Variants in ASTN2 observed in about 807,000 individuals in gnomAD.
ASTN2 encodes astrotactin-2.
ASTN2 carries 54 observed loss-of-function variants against 139.8 expected under a neutral mutation model. The ratio of observed to expected loss-of-function variants is 0.39; its 90% CI spans 0.31 to 0.48. ASTN2 has a LOEUF of 0.48. ASTN2 is among the 20% of genes least tolerant of loss of function. The probability of loss-of-function intolerance (pLI) is 0.95; values close to 1 mark genes in which losing one functional copy is unlikely to be tolerated. For synonymous variants in ASTN2, 756 were observed against 719.5 expected, an observed-to-expected ratio of 1.05 and a Z score of -0.81; for missense variants, 1,565 against 1,725.1, an observed-to-expected ratio of 0.91 and a Z score of 1.64.
intron 1 of ASTN2, among the ~76,000 whole-genome samples, chr9:117,407,186 A>G (rs1328364823): frequency 6.6e-6 from 1 of 152,216 alleles, no homozygotes; most frequent in East Asian, 1.9e-4. Context: ...GGTGCCAAAT[A>G]AGAAGGAAGG....
chr9:116,922,690 G>A (rs974261694), intron 10 of ASTN2, among the ~76,000 whole-genome samples: 2 of 151,808 alleles, frequency 1.3e-5, no homozygotes, highest in African/African-American at 4.8e-5. Flanking sequence ...TTGATATGGA[G>A]ACATCTTTAA....
intron 10 of ASTN2, among the ~76,000 whole-genome samples, chr9:116,955,797 A>G (rs1449834049): frequency 6.6e-6 from 1 of 152,230 alleles, no homozygotes; most frequent in Non-Finnish European, 1.5e-5. Flanking sequence ...AGAATTACAA[A>G]TGTTGTCATT....
chr9:117,316,336 T>C (rs775613621), intron 1 of ASTN2, among the ~76,000 whole-genome samples: 11 of 151,904 alleles, frequency 7.2e-5, no homozygotes, highest in Non-Finnish European at 1.5e-4. Context: ...CAGGACAGTG[T>C]TGAGAATTGG....
intron 19 of ASTN2, among the ~76,000 whole-genome samples, chr9:116,492,605 T>TA (rs535069267): frequency 2.1e-3 from 315 of 152,238 alleles, no homozygotes; most frequent in African/African-American, 7.2e-3. Context: ...ACTTATGAGA[T>TA]AAAATCACTG....
chr9:116,710,394 T>TGCCC (rs1256760990), intron 16 of ASTN2, among the ~76,000 whole-genome samples: 1 of 152,010 alleles, frequency 6.6e-6, no homozygotes, highest in Non-Finnish European at 1.5e-5. Flanking sequence ...TGACAACAGA[T>TGCCC]GTTTAGAGTT....
intron 14 of ASTN2, among the ~76,000 whole-genome samples, chr9:116,733,183 C>T (rs1013364319): frequency 6.6e-6 from 1 of 152,236 alleles, no homozygotes; most frequent in Non-Finnish European, 1.5e-5. Flanking sequence ...TCAAAGATGA[C>T]TGCAGTCCCA....
intron 2 of ASTN2, among the ~76,000 whole-genome samples, chr9:117,257,920 T>G (rs1281213581): frequency 6.6e-6 from 1 of 152,236 alleles, no homozygotes; most frequent in Non-Finnish European, 1.5e-5. Context: ...GTGGGGATAC[T>G]GTTGGACTAC....
intron 3 of ASTN2, among the ~76,000 whole-genome samples, chr9:117,142,685 G>T (rs1830103134): frequency 6.6e-6 from 1 of 152,072 alleles, no homozygotes; most frequent in Admixed American, 6.5e-5. Flanking sequence ...GAAAAAGTTG[G>T]AAGATAAAAG....
At chr9:117,250,807 G>A (rs1210781536) in intron 2 of ASTN2, among the ~76,000 whole-genome samples, 1 of 152,166 alleles carries the variant, frequency 6.6e-6, no homozygotes, top group East Asian at 1.9e-4. Flanking sequence ...AAGCATATGG[G>A]AGTGTGTACT....
At chr9:117,297,569 A>C (rs895038388) in intron 1 of ASTN2, among the ~76,000 whole-genome samples, 4 of 152,174 alleles carry the variant, frequency 2.6e-5, no homozygotes, top group Non-Finnish European at 5.9e-5. Flanking sequence ...TAATGAAGGG[A>C]GCATTTACAA....
At chr9:117,095,624 T>C (rs1024746986) in intron 5 of ASTN2, among the ~76,000 whole-genome samples, 59 of 152,362 alleles carry the variant, frequency 3.9e-4, no homozygotes, top group African/African-American at 1.4e-3. Context: ...ACACTTTGGC[T>C]GCCGGGAATT....
At chr9:117,164,008 C>T (rs556418579) in intron 3 of ASTN2, among the ~76,000 whole-genome samples, 1 of 152,178 alleles carries the variant, frequency 6.6e-6, no homozygotes, top group African/African-American at 2.4e-5. Flanking sequence ...ATGGATTAAT[C>T]ATCATTTTCA....
At chr9:117,074,460 A>G (rs1368338140) in intron 5 of ASTN2, among the ~76,000 whole-genome samples, 1 of 152,226 alleles carries the variant, frequency 6.6e-6, no homozygotes, top group African/African-American at 2.4e-5. Flanking sequence ...CTGAGTCAAC[A>G]TGATACTCTA....
chr9:116,786,271 C>A (rs1486923530), intron 13 of ASTN2, among the ~76,000 whole-genome samples: 1 of 152,178 alleles, frequency 6.6e-6, no homozygotes, highest in Non-Finnish European at 1.5e-5. Flanking sequence ...CCTCTAGTAC[C>A]CTTAACTCAA....
intron 5 of ASTN2, among the ~76,000 whole-genome samples, chr9:117,094,769 TA>T (rs1217751768): frequency 1.3e-5 from 2 of 152,194 alleles, no homozygotes; most frequent in Non-Finnish European, 2.9e-5. Flanking sequence ...CTGACATTAA[TA>T]ATGTCTGACT....
At chr9:116,859,078 C>G (rs768768947) in intron 11 of ASTN2, among the ~76,000 whole-genome samples, 1 of 152,202 alleles carries the variant, frequency 6.6e-6, no homozygotes, top group African/African-American at 2.4e-5. Flanking sequence ...GCATGTAACT[C>G]TCTTCCTCCA....
intron 10 of ASTN2, among the ~76,000 whole-genome samples, chr9:116,905,103 T>G (rs1466592202): frequency 1.3e-5 from 2 of 152,040 alleles, no homozygotes; most frequent in African/African-American, 4.8e-5. Flanking sequence ...TCTTGGCTAT[T>G]TGAGGAAACT....
chr9:117,170,767 C>T (rs1052216836), intron 3 of ASTN2, among the ~76,000 whole-genome samples: 18 of 152,048 alleles, frequency 1.2e-4, no homozygotes, highest in Non-Finnish European at 2.6e-4. Flanking sequence ...GGCCGTATCC[C>T]ATTTCTCATT....
intron 11 of ASTN2, among the ~76,000 whole-genome samples, chr9:116,845,060 G>C (rs1273257688): frequency 6.6e-6 from 1 of 152,170 alleles, no homozygotes; most frequent in Non-Finnish European, 1.5e-5. Flanking sequence ...GCAGAACCAG[G>C]GTGCAAACAT....
Sources: gnomAD v4.1 joint callset for allele counts (sites outside exome capture counted in the v4.1 genomes callset) on GRCh38, gnomAD v4.1.1 for gene constraint, MANE v1.5 for transcripts, NCBI Gene and HGNC (gene_info 2026-07-23, HGNC 2026-07-21) for gene names.